The following ADAMTS9 variants were observed in gnomAD, a reference collection of about 807,000 sequenced individuals.
ADAMTS9 encodes A disintegrin and metalloproteinase with thrombospondin motifs 9.
In ADAMTS9, 107 loss-of-function variants were observed where a neutral mutation model predicts 257.1. The observed-to-expected ratio is 0.42, with a 90% CI of 0.36 to 0.49. The LOEUF (loss-of-function observed/expected upper bound fraction) is 0.49, where lower values mean the gene tolerates loss of function less well. Among genes scored for constraint, ADAMTS9 ranks in the 20% least tolerant of loss-of-function variants. The probability of loss-of-function intolerance (pLI) is 0.03; values close to 1 mark genes in which losing one functional copy is unlikely to be tolerated. For missense variants in ADAMTS9, 2,353 were observed against 2,469.1 expected, an observed-to-expected ratio of 0.95 and a Z score of 1.00; for synonymous variants, 982 against 880.9, an observed-to-expected ratio of 1.11 and a Z score of -2.03.
rs1467322172 is a variant in ADAMTS9 at position 64,616,152 on chromosome 3, C to T, written c.2832G>A (p.Arg944=). Residue 944 remains arginine, a synonymous_variant, in exon 20 of 40, where the codon AGG becomes AGA. Transcript: ENST00000498707. ...AGCCACACTGGGCACTACATTCACT[C>T]CTGCTGGCAACATGCCACCTATGCA... The part of the protein sequence containing the change: ...DCDLRWHVAS[R]SECSAQCGLG... 2 of 1,614,068 alleles carry T rather than the reference C, an allele frequency of 1.2e-6. No individual in the cohort carries two copies. Among genetic ancestry groups the T allele is most frequent in the South Asian group, 2.2e-5 (2 of 91,080 alleles).
chr3:64,673,337 C>T (rs1701536434), intron 3 of ADAMTS9, among the ~76,000 whole-genome samples: 1 of 152,184 alleles, frequency 6.6e-6, no homozygotes, highest in South Asian at 2.1e-4. Flanking sequence ...AGGGGCTTTG[C>T]TCTGGGTACC....
intron 12 of ADAMTS9, among the ~76,000 whole-genome samples, chr3:64,641,523 G>A (rs9831970): frequency 0.34 from 46,532 of 136,262 alleles, 10,567 homozygotes; most frequent in African/African-American, 0.63. Context: ...TCCTGTGTCC[G>A]TGGGTTCTCA....
chr3:64,564,606 C>CT (rs1437354621), intron 29 of ADAMTS9, among the ~76,000 whole-genome samples: 1 of 149,954 alleles, frequency 6.7e-6, no homozygotes, highest in East Asian at 1.9e-4. Flanking sequence ...TTAAATAATT[C>CT]TTTTTTGTGT....
At chr3:64,657,020 T>C (rs1424926727) in intron 4 of ADAMTS9, among the ~76,000 whole-genome samples, 2 of 152,212 alleles carry the variant, frequency 1.3e-5, no homozygotes, top group Admixed American at 6.5e-5. Flanking sequence ...CGGGCTTTTC[T>C]GGACCCATCT....
rs757965832 is a variant in ADAMTS9, at chr3:64,622,595, G to T, written c.2390-9C>A. The T allele has an allele frequency of 1.2e-6, 2 of 1,613,254 alleles. No individual in the cohort carries two copies. Among genetic ancestry groups the T allele is most frequent in the Non-Finnish European group, 1.7e-6 (2 of 1,179,752 alleles). ...TTTACTGCTTGATAAAGCTGTAGGT[G>T]AAGAAACAGAATAATACATTGATCT... On this transcript the variant is annotated splice_polypyrimidine_tract_variant and intron_variant, in intron 16 of 39. Coordinates refer to ENST00000498707, the MANE Select transcript of ADAMTS9 (RefSeq NM_182920.2).
intron 28 of ADAMTS9, among the ~76,000 whole-genome samples, chr3:64,574,916 G>A (rs2083796298): frequency 1.3e-5 from 2 of 152,282 alleles, no homozygotes; most frequent in South Asian, 4.1e-4. Flanking sequence ...CCCACGAAGA[G>A]AGTAGCTACG....
intron 28 of ADAMTS9, among the ~76,000 whole-genome samples, chr3:64,590,711 A>C (rs1007121654): frequency 6.6e-6 from 1 of 152,196 alleles, no homozygotes; most frequent in African/African-American, 2.4e-5. Context: ...GCCAGGCAGA[A>C]ACAAAAGCAC....
chr3:64,561,521 T>C, intron 30 of ADAMTS9, 57 bp downstream of exon 30: 4 of 1,554,828 alleles, frequency 2.6e-6, no homozygotes, highest in Middle Eastern at 1.7e-4. Flanking sequence ...GATGTGAGGA[T>C]AGCAAGGGGC....
At chr3:64,607,190 G>C in intron 22 of ADAMTS9, 111 bp from the exon 23 acceptor site, 1 of 1,433,332 alleles carries the variant, frequency 7.0e-7, no homozygotes, top group Admixed American at 2.0e-5. Context: ...TAGGCCAGAG[G>C]GCTGGCGCTC....
At chr3:64,660,659 T>C (rs774934603) in intron 3 of ADAMTS9, among the ~76,000 whole-genome samples, 1 of 152,178 alleles carries the variant, frequency 6.6e-6, no homozygotes, top group Non-Finnish European at 1.5e-5. Flanking sequence ...AGATCGACTG[T>C]CAAGGTATTG....
Position 64,602,109 on chromosome 3 carries a change from T to C in ADAMTS9, c.3852A>G (p.Pro1284=). 1.2e-6 allele frequency: 2 copies of C among 1,614,112 alleles called. No individual in the cohort carries two copies. The highest frequency in any genetic ancestry group is 1.7e-6 in the Non-Finnish European group (2 of 1,180,004). ...DRSECDQDYI[P]ETDQDCSMSP... ...ACATGGAACAGTCCTGGTCAGTTTCTGGGATATAATCCTGGTCACACTCAC... is the reference window on the plus strand; with the variant it reads ...ACATGGAACAGTCCTGGTCAGTTTCCGGGATATAATCCTGGTCACACTCAC... The change falls in exon 26 of 40, where the codon CCA becomes CCG. Residue 1284 remains proline, a synonymous_variant. Transcript: ENST00000498707.
intron 21 of ADAMTS9, 84 bp downstream of exon 21, chr3:64,615,237 A>G (rs1576119622): frequency 6.8e-7 from 1 of 1,473,008 alleles, no homozygotes; most frequent in African/African-American, 1.4e-5. Context: ...AAAGGTGCAC[A>G]AGGGTTTGTC....
At chr3:64,517,416 G>GTTTGT (rs1553698667) in intron 39 of ADAMTS9, among the ~76,000 whole-genome samples, 5 of 52,640 alleles carry the variant, frequency 9.5e-5, no homozygotes, top group African/African-American at 1.6e-4. Flanking sequence ...ATTAAAAATG[G>GTTTGT]TTTTTTTTTT....
intron 23 of ADAMTS9, among the ~76,000 whole-genome samples, 164 bp from the exon 24 acceptor site, chr3:64,604,495 A>T (rs2084524105): frequency 2.0e-5 from 3 of 152,242 alleles, no homozygotes; most frequent in Admixed American, 2.0e-4. Flanking sequence ...CAATGTCTTC[A>T]ACTGCAAAAT....
At chr3:64,570,347 A>T (rs2083648897) in intron 28 of ADAMTS9, among the ~76,000 whole-genome samples, 3 of 152,170 alleles carry the variant, frequency 2.0e-5, no homozygotes, top group Admixed American at 6.5e-5. Flanking sequence ...ACAGGCTGGA[A>T]TGGTTGGAAG....
chr3:64,650,855 G>A (rs1700914036), intron 9 of ADAMTS9, 162 bp downstream of exon 9: 1 of 689,296 alleles, frequency 1.5e-6, no homozygotes, highest in Non-Finnish European at 2.2e-6. Context: ...GAACTACACA[G>A]ATGTCAGAGA....
intron 37 of ADAMTS9, 21 bp downstream of exon 37, chr3:64,539,182 G>A: frequency 6.3e-7 from 1 of 1,597,248 alleles, no homozygotes. Flanking sequence ...CCTGGCAAGG[G>A]GGAAGGCACC....
intron 28 of ADAMTS9, among the ~76,000 whole-genome samples, chr3:64,581,828 G>A (rs2084009952): frequency 6.6e-6 from 1 of 152,124 alleles, no homozygotes; most frequent in South Asian, 2.1e-4. Context: ...ATCAAATAAA[G>A]TTTGAACATT....
At chr3:64,584,848 T>G (rs2084106851) in intron 28 of ADAMTS9, among the ~76,000 whole-genome samples, 1 of 152,074 alleles carries the variant, frequency 6.6e-6, no homozygotes, top group African/African-American at 2.4e-5. Context: ...CTAAAACTCT[T>G]TTTTCCTCAA....
Sources: allele counts gnomAD v4.1 joint callset (sites outside exome capture counted in the v4.1 genomes callset), GRCh38; gene constraint gnomAD v4.1.1; transcripts MANE v1.5; gene names NCBI Gene and HGNC (gene_info 2026-07-23, HGNC 2026-07-21).